Variants in COL4A4 observed in about 807,000 individuals in gnomAD.
COL4A4 encodes the protein collagen alpha-4(IV) chain.
COL4A4 carries 105 observed loss-of-function variants against 192.9 expected under a neutral mutation model. The ratio of observed to expected loss-of-function variants is 0.54; its 90% CI spans 0.46 to 0.64. The LOEUF (loss-of-function observed/expected upper bound fraction) is 0.64. Among genes scored for constraint, COL4A4 ranks in the 30% least tolerant of loss-of-function variants. The pLI is 0.00. For synonymous variants in COL4A4, 762 were observed against 769.9 expected (o/e 0.99, Z 0.17); for missense variants, 1,967 against 2,169.3 (o/e 0.91, Z 1.85).
At chr2:227,035,554 C>A (rs373399444) in intron 37 of COL4A4, among the ~76,000 whole-genome samples, 1 of 150,908 alleles carries the variant, frequency 6.6e-6, no homozygotes, top group South Asian at 2.1e-4. Context: ...AATGGGAATG[C>A]ATCTTTATTT....
chr2:227,043,083 A>ACCC lies in COL4A4; in HGVS notation c.3388_3390dup (p.Gly1130dup). The ACCC allele has an allele frequency of 6.2e-7, 1 of 1,611,792 alleles. No homozygotes were observed. Among genetic ancestry groups the ACCC allele is most frequent in the African/African-American group, 1.3e-5 (1 of 74,980 alleles). On this transcript the variant is annotated inframe_insertion, in exon 36 of 48. Coordinates refer to ENST00000396625, the MANE Select transcript of COL4A4 (RefSeq NM_000092.5). Reference sequence around the variant, plus strand: ...AGATTTCCTTTCAAGGTACCTGGGCACCCTGGTGGTCCAGAGGAGCCAGGT... The same window carrying ACCC: ...AGATTTCCTTTCAAGGTACCTGGGCACCCCCCTGGTGGTCCAGAGGAGCCAGGT...
chr2:227,091,918 GAAAGAAAGAAAAGAAAAGA>G (rs1211687794), intron 20 of COL4A4, among the ~76,000 whole-genome samples: 107 of 143,190 alleles, frequency 7.5e-4, no homozygotes, highest in African/African-American at 2.6e-3. Context: ...AAGAAAGAAA[GAAAGAAAGAAAAGAAAAGA>G]AAAGAAAAGA....
rs777982441 is a variant in COL4A4, at chr2:227,078,057, G to T, written c.1824C>A (p.Thr608=). The T allele has an allele frequency of 3.1e-6, 5 of 1,613,876 alleles. No individual in the cohort carries two copies. The highest frequency in any genetic ancestry group is 4.5e-5 in the East Asian group (2 of 44,842). The change falls in exon 25 of 48, where the codon ACC becomes ACA. Residue 608 remains threonine, a synonymous_variant. Coordinates refer to ENST00000396625, the MANE Select transcript of COL4A4 (RefSeq NM_000092.5). Reference sequence around the variant, plus strand: ...GTCCAGGAAATCCTTTACCACCTGGGGTCGCATCTTCATGATCCCCCTGGG... The same window carrying T: ...GTCCAGGAAATCCTTTACCACCTGGTGTCGCATCTTCATGATCCCCCTGGG... ...PGPPGDHEDA[T]PGGKGFPGPL...
intron 1 of COL4A4, among the ~76,000 whole-genome samples, chr2:227,152,461 TA>T (rs2064016279): frequency 6.6e-6 from 1 of 152,222 alleles, no homozygotes; most frequent in Admixed American, 6.5e-5. Flanking sequence ...AATGAGCTGC[TA>T]AAGGTTAAAA....
intron 37 of COL4A4, among the ~76,000 whole-genome samples, chr2:227,034,976 G>A (rs1273790666): frequency 6.6e-6 from 1 of 151,466 alleles, no homozygotes; most frequent in East Asian, 1.9e-4. Flanking sequence ...CTTAGTGTAG[G>A]GTCACATCTC....
At chr2:227,059,158 G>A (rs1052445504) in intron 28 of COL4A4, among the ~76,000 whole-genome samples, 18 of 152,150 alleles carry the variant, frequency 1.2e-4, no homozygotes, top group Admixed American at 4.6e-4. Flanking sequence ...TACTAGCTGC[G>A]GAATCAAATT....
rs772611085 is a variant in COL4A4 at position 227,022,166 on chromosome 2, C to T, written c.4098G>A (p.Pro1366=). 1.5e-5 allele frequency: 24 copies of T among 1,613,954 alleles called. No individual in the cohort carries two copies. Among genetic ancestry groups the T allele is most frequent in the Admixed American group, 6.7e-5 (4 of 59,998 alleles). The change falls in exon 44 of 48, where the codon CCG becomes CCA. Residue 1366 remains proline (P), a synonymous_variant. Transcript: ENST00000396625. The part of the protein sequence containing the change: ...PTGLPGPRGE[P]GPPADVDDCP... ...AGTCATCCACATCTGCAGGTGGCCC[C>T]GGTTCACCTGAAATTGGAATCACCG...
chr2:227,079,782 G>T (rs2059221264), intron 24 of COL4A4, among the ~76,000 whole-genome samples: 1 of 152,186 alleles, frequency 6.6e-6, no homozygotes, highest in African/African-American at 2.4e-5. Context: ...AGACTGTTTT[G>T]AGGAAACCAT....
Position 227,028,019 on chromosome 2 carries a change from A to G in COL4A4, c.3974-10T>C. ...GGGAATCCCACTGGTCCTTAAAAAA[A>G]AACAAAACATAAAAATGAGGGCACT... is the stretch of plus-strand genomic sequence containing the variant. On this transcript the variant is annotated splice_polypyrimidine_tract_variant and intron_variant, in intron 41 of 47. Coordinates refer to ENST00000396625, the MANE Select transcript of COL4A4 (RefSeq NM_000092.5). 1 of 1,569,688 alleles carries G rather than the reference A, an allele frequency of 6.4e-7. No homozygotes were observed. The highest frequency in any genetic ancestry group is 8.7e-7 in the Non-Finnish European group (1 of 1,144,980).
the COL4A4 span, among the ~76,000 whole-genome samples, chr2:226,987,614 C>T: frequency 6.6e-6 from 1 of 152,234 alleles, no homozygotes; most frequent in South Asian, 2.1e-4. Flanking sequence ...ACTCGAACCT[C>T]TGTGTGGGAG....
intron 3 of COL4A4, among the ~76,000 whole-genome samples, chr2:227,140,549 G>A (rs2063134803): frequency 6.6e-6 from 1 of 152,110 alleles, no homozygotes; most frequent in East Asian, 1.9e-4. Context: ...GTTGTGAACA[G>A]TCTTAGAGTG....
intron 38 of COL4A4, among the ~76,000 whole-genome samples, chr2:227,032,849 C>T (rs1022353417): frequency 6.6e-6 from 1 of 152,220 alleles, no homozygotes; most frequent in African/African-American, 2.4e-5. Flanking sequence ...TGTTAGGTTT[C>T]AGCTACTTTG....
intron 6 of COL4A4, 70 bp downstream of exon 6, chr2:227,119,825 G>T: frequency 3.2e-6 from 3 of 926,944 alleles, no homozygotes; most frequent in Non-Finnish European, 4.9e-6. Flanking sequence ...ATATATACAT[G>T]TGGTTTTAAG....
chr2:227,098,587 C>G, intron 19 of COL4A4, 107 bp downstream of exon 19: 2 of 853,282 alleles, frequency 2.3e-6, no homozygotes, highest in Non-Finnish European at 3.9e-6. Flanking sequence ...TTATTTTACA[C>G]AATCCTAAGG....
chr2:227,103,844 T>C (rs2060663036), intron 13 of COL4A4, 128 bp downstream of exon 13: 2 of 750,966 alleles, frequency 2.7e-6, no homozygotes, highest in Non-Finnish European at 4.6e-6. Flanking sequence ...AGTACCAACT[T>C]ATTAAAGTAG....
chr2:227,124,779 G>C (rs575215087), intron 4 of COL4A4, among the ~76,000 whole-genome samples: 2 of 152,292 alleles, frequency 1.3e-5, no homozygotes, highest in East Asian at 3.9e-4. Context: ...ACCTGTGTTA[G>C]AAATAAGATT....
Position 227,111,690 on chromosome 2 carries a change from C to T in COL4A4, c.582G>A (p.Leu194=), listed in dbSNP as rs768199063. Residue 194 remains leucine (L), a synonymous_variant, in exon 9 of 48, where the codon CTG becomes CTA. Transcript: ENST00000396625. The part of the protein sequence containing the change: ...GIQGDRGDPG[L]PGLPGSWGAG... ...TCAGGAGACTTACTGGTAAGCCAGG[C>T]AGTCCTGGGTCCCCTCTGTCTCCCT... The T allele has an allele frequency of 6.2e-7, 1 of 1,614,092 alleles. No individual in the cohort carries two copies. Among genetic ancestry groups the T allele is most frequent in the South Asian group, 1.1e-5 (1 of 91,068 alleles).
chr2:227,108,548 C>T (rs1167508026), intron 12 of COL4A4, 33 bp downstream of exon 12: 5 of 1,605,194 alleles, frequency 3.1e-6, no homozygotes, highest in Non-Finnish European at 4.3e-6. Flanking sequence ...CACACGTCAC[C>T]ATCTGCTCCT....
chr2:227,068,097 CAA>C (rs2058465230), intron 25 of COL4A4, among the ~76,000 whole-genome samples: 1 of 145,816 alleles, frequency 6.9e-6, no homozygotes, highest in African/African-American at 2.6e-5. Flanking sequence ...CACCTCTACG[CAA>C]ATAAACTAGA....
Sources: allele counts gnomAD v4.1 joint callset (sites outside exome capture counted in the v4.1 genomes callset), GRCh38; gene constraint gnomAD v4.1.1; transcripts MANE v1.5; gene names NCBI Gene and HGNC (gene_info 2026-07-23, HGNC 2026-07-21).